The following STRIP2 variants were observed in gnomAD, a reference collection of about 807,000 sequenced individuals.
The protein encoded by STRIP2 is striatin interacting protein 2.
In STRIP2, 84 loss-of-function variants were observed where a neutral mutation model predicts 107.1. The observed-to-expected ratio is 0.78, with a 90% CI of 0.66 to 0.94. STRIP2 has a LOEUF of 0.94. STRIP2 is among the 40% of genes least tolerant of loss of function. STRIP2 has a pLI of 0.00. For synonymous variants in STRIP2, 394 were observed against 400.4 expected, an observed-to-expected ratio of 0.98 and a Z score of 0.19; for missense variants, 888 against 1,034.2, an observed-to-expected ratio of 0.86 and a Z score of 1.94.
Position 129,480,892 on chromosome 7 carries a change from G to A in STRIP2, c.2049+3G>A. ...AATGGAAACATTCCCGGACCATGGT[G>A]AGTGTGGTTTTTTACATCATGGAGT... On this transcript the variant is annotated splice_donor_region_variant and intron_variant, in intron 19 of 20. Transcript: ENST00000249344. The A allele has an allele frequency of 6.2e-7, 1 of 1,607,700 alleles. No individual in the cohort carries two copies. Among genetic ancestry groups the A allele is most frequent in the Non-Finnish European group, 8.5e-7 (1 of 1,177,880 alleles).
Position 129,485,973 on chromosome 7 carries a change from C to G in STRIP2, c.*144C>G, listed in dbSNP as rs1799237475. On this transcript the variant is annotated 3_prime_UTR_variant, in exon 21 of 21. Transcript: ENST00000249344. The stretch of plus-strand genomic sequence containing the variant: ...CTAAAGATGGTGCAAGGGTGGGATC[C>G]TGAATCACAATAAAATGATCAACTT... 1 of 926,268 alleles carries G rather than the reference C, an allele frequency of 1.1e-6. No homozygotes were observed. The highest frequency in any genetic ancestry group is 1.7e-5 in the African/African-American group (1 of 60,482). 57.4% of individuals were successfully genotyped at this position (926,268 alleles called of 1,614,324 possible).
At chr7:129,442,691 A>G (rs1797932812) in intron 2 of STRIP2, among the ~76,000 whole-genome samples, 1 of 152,172 alleles carries the variant, frequency 6.6e-6, no homozygotes, top group Non-Finnish European at 1.5e-5. Flanking sequence ...CTCTCCACTA[A>G]TGACTGAAGA....
chr7:129,466,648 G>A (rs1300845422), intron 16 of STRIP2, among the ~76,000 whole-genome samples: 3 of 152,078 alleles, frequency 2.0e-5, no homozygotes, highest in African/African-American at 7.2e-5. Flanking sequence ...CCTATATACA[G>A]ACCACATCTG....
intron 19 of STRIP2, 77 bp downstream of exon 19, chr7:129,480,966 C>T: frequency 8.7e-7 from 1 of 1,147,514 alleles, no homozygotes; most frequent in Non-Finnish European, 1.3e-6. Context: ...TATTTGTGTG[C>T]TACCTGGTTT....
rs1356341531 is a variant in STRIP2 at position 129,456,642 on chromosome 7, G to A, written c.1038G>A (p.Arg346=). 2 of 1,613,320 alleles carry A rather than the reference G, an allele frequency of 1.2e-6. No homozygotes were observed. The highest frequency in any genetic ancestry group is 2.2e-5 in the South Asian group (2 of 91,010). ...TGCGAGGCCGCCGTGGCTCTCGAAG[G>A]GTATGGACTGAAGCAGACAATGGTA... ...SKLRGRRGSR[R]QLLTKQDSLD... Residue 346 remains arginine, a splice_region_variant and synonymous_variant, in exon 9 of 21, where the codon AGG becomes AGA. Transcript: ENST00000249344.
intron 16 of STRIP2, among the ~76,000 whole-genome samples, chr7:129,465,973 C>G (rs1562910319): frequency 6.6e-6 from 1 of 152,224 alleles, no homozygotes; most frequent in African/African-American, 2.4e-5. Context: ...TTTCCACTTT[C>G]ATACATTCGA....
intron 18 of STRIP2, among the ~76,000 whole-genome samples, chr7:129,473,996 C>T (rs1419048172): frequency 6.6e-6 from 1 of 152,284 alleles, no homozygotes; most frequent in African/African-American, 2.4e-5. Context: ...GGATTACAGG[C>T]GTGAGCCACT....
In STRIP2 at chr7:129,459,500, T is replaced by G; in HGVS notation, c.1341-17T>G. ...TACTTTGGAAGCTTATGATCTGGTATGTCTGGCCTTTTACAGGGACACAGA... is the reference window on the plus strand; with the variant it reads ...TACTTTGGAAGCTTATGATCTGGTAGGTCTGGCCTTTTACAGGGACACAGA... On this transcript the variant is annotated splice_polypyrimidine_tract_variant and intron_variant, in intron 11 of 20. Transcript: ENST00000249344. 9 of 1,612,554 alleles carry G rather than the reference T, an allele frequency of 5.6e-6. No individual in the cohort carries two copies. Among genetic ancestry groups the G allele is most frequent in the Non-Finnish European group, 7.6e-6 (9 of 1,178,554 alleles).
chr7:129,445,589 A>G (rs1798013715), intron 3 of STRIP2, among the ~76,000 whole-genome samples: 1 of 152,072 alleles, frequency 6.6e-6, no homozygotes, highest in African/African-American at 2.4e-5. Flanking sequence ...TTGGATGCTG[A>G]TTCAGAGCAT....
chr7:129,452,564 GTTT>G (rs966538595), intron 4 of STRIP2, among the ~76,000 whole-genome samples: 6 of 152,152 alleles, frequency 3.9e-5, no homozygotes, highest in African/African-American at 1.4e-4. Context: ...ATTTATCTAA[GTTT>G]TTTAAAAGAA....
chr7:129,480,797 A>C lies in STRIP2; in HGVS notation c.1957A>C (p.Asn653His). 1.9e-6 allele frequency: 3 copies of C among 1,613,686 alleles called. No homozygotes were observed. Among genetic ancestry groups the C allele is most frequent in the Non-Finnish European group, 2.5e-6 (3 of 1,179,798 alleles). The change falls in exon 19 of 21, where the codon AAC becomes CAC. Residue 653 changes from asparagine to histidine, a missense_variant. Coordinates refer to ENST00000249344, the MANE Select transcript of STRIP2 (RefSeq NM_020704.3). ...TTCCCTACTATAGGAAGCTGGAGACAACAGCCAGTTCTGCTGGAGGAACCT... is the reference window on the plus strand; with the variant it reads ...TTCCCTACTATAGGAAGCTGGAGACCACAGCCAGTTCTGCTGGAGGAACCT... ...LTTESLEAGDNSQFCWRNLFS... is the reference protein window; with the variant it reads ...LTTESLEAGDHSQFCWRNLFS...
chr7:129,442,378 G>T (rs912023079), intron 2 of STRIP2, among the ~76,000 whole-genome samples: 1 of 152,114 alleles, frequency 6.6e-6, no homozygotes, highest in African/African-American at 2.4e-5. Flanking sequence ...AGCAAAAGTA[G>T]AAAAATAGGC....
chr7:129,460,491 A>G, intron 13 of STRIP2, 119 bp downstream of exon 13: 2 of 848,726 alleles, frequency 2.4e-6, no homozygotes, highest in Non-Finnish European at 3.9e-6. Context: ...GTTCCAGGCA[A>G]GACAAGGTCC....
chr7:129,453,279 C>T lies in STRIP2; in HGVS notation c.462C>T (p.Tyr154=). 2 of 1,614,170 alleles carry T rather than the reference C, an allele frequency of 1.2e-6. No homozygotes were observed. Among genetic ancestry groups the T allele is most frequent in the Non-Finnish European group, 1.7e-6 (2 of 1,180,014 alleles). The change falls in exon 5 of 21, where the codon TAC becomes TAT. Residue 154 remains tyrosine (Y), a synonymous_variant. Coordinates refer to ENST00000249344, the MANE Select transcript of STRIP2 (RefSeq NM_020704.3). ...SEVDVLHWSR[Y]NCFLLYQMGT... is the part of the protein sequence containing the mutation. ...TCGATGTGCTACACTGGTCCAGGTA[C>T]AACTGCTTCCTGCTGTATCAGATGG... is the stretch of plus-strand genomic sequence containing the variant.
chr7:129,444,772 T>C (rs1185590163), intron 3 of STRIP2, among the ~76,000 whole-genome samples: 3 of 152,168 alleles, frequency 2.0e-5, no homozygotes, highest in Non-Finnish European at 4.4e-5. Flanking sequence ...TAAATATCCT[T>C]TGTACAACTG....
chr7:129,443,759 C>T (rs776910909), intron 2 of STRIP2, among the ~76,000 whole-genome samples: 8 of 152,206 alleles, frequency 5.3e-5, no homozygotes, highest in Non-Finnish European at 1.2e-4. Flanking sequence ...TGCTGCAGTC[C>T]TCCTCTTGGC....
At chr7:129,482,129 G>A (rs951426690) in intron 19 of STRIP2, among the ~76,000 whole-genome samples, 1 of 151,974 alleles carries the variant, frequency 6.6e-6, no homozygotes, top group Non-Finnish European at 1.5e-5. Context: ...TCCAGCCTGG[G>A]CGACAGAGTA....
At chr7:129,442,570 A>G (rs1468626390) in intron 2 of STRIP2, among the ~76,000 whole-genome samples, 1 of 152,212 alleles carries the variant, frequency 6.6e-6, no homozygotes, top group African/African-American at 2.4e-5. Flanking sequence ...AAAATTCATA[A>G]TCTAAAATTT....
chr7:129,453,166 G>A (rs1338032440), intron 4 of STRIP2, 61 bp from the exon 5 acceptor site: 8 of 1,604,674 alleles, frequency 5.0e-6, no homozygotes, highest in Non-Finnish European at 6.8e-6. Context: ...CATGGGGCAG[G>A]GTGGAAAGAA....
Sources: gnomAD v4.1 joint callset for allele counts (sites outside exome capture counted in the v4.1 genomes callset) on GRCh38, gnomAD v4.1.1 for gene constraint, MANE v1.5 for transcripts, NCBI Gene and HGNC (gene_info 2026-07-23, HGNC 2026-07-21) for gene names.